PDCD11: variants seen among roughly 807,000 people sequenced by gnomAD.
PDCD11 encodes the protein programmed cell death 11.
In PDCD11, 97 loss-of-function variants were observed where a neutral mutation model predicts 198.9. The observed-to-expected ratio is 0.49, with a 90% CI of 0.41 to 0.58. PDCD11 has a LOEUF of 0.58. PDCD11 is among the 20% of genes least tolerant of loss of function. The probability of loss-of-function intolerance (pLI) is 0.00; values close to 1 mark genes in which losing one functional copy is unlikely to be tolerated. For synonymous variants in PDCD11, 893 were observed against 918.0 expected (o/e 0.97, Z 0.49); for missense variants, 2,102 against 2,312.7 (o/e 0.91, Z 1.87).
rs1417566482 is a variant in PDCD11 at position 103,425,293 on chromosome 10, G to A, written c.3073G>A (p.Val1025Ile). ...TGAAGAAGTGGATCCAGCTCTGACT[G>A]TAGGGACCATAAAGAAGCACACCCT... ...EDEEVDPALT[V>I]GTIKKHTLSI... The change falls in exon 20 of 36, where the codon GTA becomes ATA. Residue 1025 changes from valine to isoleucine, a missense_variant. Coordinates refer to ENST00000369797, the MANE Select transcript of PDCD11 (RefSeq NM_014976.2). 1.2e-6 allele frequency: 2 copies of A among 1,614,066 alleles called. No individual in the cohort carries two copies. Among genetic ancestry groups the A allele is most frequent in the Non-Finnish European group, 1.7e-6 (2 of 1,180,048 alleles).
chr10:103,406,415 A>G (rs1343219123), intron 6 of PDCD11, among the ~76,000 whole-genome samples, 194 bp from the exon 7 acceptor site: 1 of 152,172 alleles, frequency 6.6e-6, no homozygotes, highest in Non-Finnish European at 1.5e-5. Context: ...TTGTGTGGTA[A>G]TTGAATTCCA....
chr10:103,403,236 C>A lies in PDCD11; in HGVS notation c.353C>A (p.Ala118Asp). The A allele has an allele frequency of 6.2e-7, 1 of 1,614,126 alleles. No homozygotes were observed. The highest frequency in any genetic ancestry group is 8.5e-7 in the Non-Finnish European group (1 of 1,179,982). Residue 118 changes from alanine to aspartate, a missense_variant, in exon 4 of 36, where the codon GCC becomes GAC. Coordinates refer to ENST00000369797, the MANE Select transcript of PDCD11 (RefSeq NM_014976.2). Reference sequence around the variant, plus strand: ...GTGCAAGTCACTGAAATCTGTGATGCCTACACCAAAAAGCTGAATGAGCAG... The same window carrying A: ...GTGCAAGTCACTGAAATCTGTGATGACTACACCAAAAAGCTGAATGAGCAG... ...GFVQVTEICD[A>D]YTKKLNEQVT...
At chr10:103,419,015 G>T (rs73330615) in intron 15 of PDCD11, among the ~76,000 whole-genome samples, 4,433 of 151,008 alleles carry the variant, frequency 0.029, 135 homozygotes, top group African/African-American at 0.072. Context: ...CCTTCTCCCC[G>T]CGGGGCTATA....
chr10:103,408,422 C>G (rs979649771), intron 7 of PDCD11, among the ~76,000 whole-genome samples: 8 of 152,056 alleles, frequency 5.3e-5, no homozygotes, highest in African/African-American at 1.9e-4. Flanking sequence ...TTCCAATTCT[C>G]TAGGAAGTTT....
chr10:103,401,198 A>G (rs1012959927), intron 3 of PDCD11, among the ~76,000 whole-genome samples: 1 of 152,122 alleles, frequency 6.6e-6, no homozygotes, highest in Non-Finnish European at 1.5e-5. Context: ...TGTGAAACCC[A>G]TTTCCAAGAA....
chr10:103,403,250 CTGAA>C lies in PDCD11; in HGVS notation c.371_374del (p.Asn124SerfsTer3). 1 of 1,614,128 alleles carries C rather than the reference CTGAA, an allele frequency of 6.2e-7. No homozygotes were observed. Among genetic ancestry groups the C allele is most frequent in the African/African-American group, 1.3e-5 (1 of 75,038 alleles). ...AATCTGTGATGCCTACACCAAAAAGCTGAATGAGCAGGTGACACAAGAACAACCT... is the reference window on the plus strand; with the variant it reads ...AATCTGTGATGCCTACACCAAAAAGCTGAGCAGGTGACACAAGAACAACCT... On this transcript the variant is annotated frameshift_variant, in exon 4 of 36. Transcript: ENST00000369797. LOFTEE classifies it high-confidence loss of function.
chr10:103,442,807 A>G (rs554874673), intron 32 of PDCD11, among the ~76,000 whole-genome samples: 47 of 152,304 alleles, frequency 3.1e-4, no homozygotes, highest in Non-Finnish European at 5.0e-4. Flanking sequence ...GGAGTTTTTG[A>G]GGCCTAATGA....
rs748665538 is a variant in PDCD11 at position 103,427,385 on chromosome 10, G to A, written c.3362G>A (p.Arg1121Gln). The A allele has an allele frequency of 6.2e-6, 10 of 1,611,024 alleles. No homozygotes were observed. The highest frequency in any genetic ancestry group is 1.7e-5 in the Admixed American group (1 of 59,720). ...FVRTIPELSV[R>Q]PSELEDGHTA... ...CGAACCATCCCGGAGCTGAGTGTTC[G>A]GCCAAGGTGAGGGGGACATTAGCAG... is the stretch of plus-strand genomic sequence containing the variant. The change falls in exon 21 of 36, where the codon CGG (arginine) becomes CAG (glutamine). Residue 1121 changes from arginine (R) to glutamine (Q), a missense_variant. Physicochemically the swap from Arg to Gln is conservative, Grantham distance 43. Transcript: ENST00000369797.
rs1188094606 is a variant in PDCD11, at chr10:103,425,475, G to A, written c.3255G>A (p.Gly1085=). ...GTSPTTKLKV[G]KTVTARVIGG... ...CTCCTACTACCAAGCTGAAGGTTGG[G>A]AAGACGGTCACTGCCCGAGTGATTG... The change falls in exon 20 of 36, where the codon GGG becomes GGA. Residue 1085 remains glycine (G), a synonymous_variant. Transcript: ENST00000369797. 4 of 1,613,874 alleles carry A rather than the reference G, an allele frequency of 2.5e-6. No individual in the cohort carries two copies. Among genetic ancestry groups the A allele is most frequent in the Admixed American group, 1.7e-5 (1 of 60,000 alleles).
Position 103,443,195 on chromosome 10 carries a change from G to A in PDCD11, c.4986G>A (p.Val1662=). ...REEQEKLNVW[V]ALLNLENMYG... ...AGCAGGAGAAGCTGAACGTGTGGGT[G>A]GCTCTGCTGAACCTGGAGAACATGT... Residue 1662 remains valine (V), a synonymous_variant, in exon 33 of 36, where the codon GTG becomes GTA. Coordinates refer to ENST00000369797, the MANE Select transcript of PDCD11 (RefSeq NM_014976.2). 10 of 1,602,972 alleles carry A rather than the reference G, an allele frequency of 6.2e-6. No homozygotes were observed. Among genetic ancestry groups the A allele is most frequent in the Non-Finnish European group, 8.5e-6 (10 of 1,171,984 alleles).
chr10:103,415,070 G>C lies in PDCD11; in HGVS notation c.1437G>C (p.Leu479=). The part of the protein sequence containing the change: ...LVKVGEQMRG[L]VPPMHLADIL... ...AGGTGGGCGAGCAGATGAGGGGCCT[G>C]GTACCTCCCATGCACCTGGCTGACA... is the stretch of plus-strand genomic sequence containing the variant. The change falls in exon 12 of 36, where the codon CTG becomes CTC. Residue 479 remains leucine, a synonymous_variant. Coordinates refer to ENST00000369797, the MANE Select transcript of PDCD11 (RefSeq NM_014976.2). 6.2e-7 allele frequency: 1 copy of C among 1,614,090 alleles called. No individual in the cohort carries two copies. The highest frequency in any genetic ancestry group is 8.5e-7 in the Non-Finnish European group (1 of 1,180,000).
chr10:103,423,397 A>T lies in PDCD11; in HGVS notation c.2648-146A>T. On this transcript the variant is annotated intron_variant, in intron 18 of 35. Coordinates refer to ENST00000369797, the MANE Select transcript of PDCD11 (RefSeq NM_014976.2). ...TTGAACTATGGGAGGTAGACCCTTG[A>T]TTTCCCTAATTATGGCCCGTATGGA... is the stretch of plus-strand genomic sequence containing the variant. 4 of 675,974 alleles carry T rather than the reference A, an allele frequency of 5.9e-6. No individual in the cohort carries two copies. The South Asian group carries it at 7.8e-5, about 13-fold the overall frequency. 41.9% of individuals were successfully genotyped at this position (675,974 alleles called of 1,614,324 possible).
chr10:103,418,729 CA>C (rs2031259212), intron 15 of PDCD11, 95 bp downstream of exon 15: 11 of 1,033,752 alleles, frequency 1.1e-5, no homozygotes, highest in Non-Finnish European at 1.6e-5. Flanking sequence ...TATTTGACCT[CA>C]GAAATATCTC....
intron 22 of PDCD11, 124 bp from the exon 23 acceptor site, chr10:103,433,824 G>A (rs764895675): frequency 1.1e-5 from 8 of 714,108 alleles, no homozygotes; most frequent in Middle Eastern, 2.4e-4. Context: ...GGATGGAAGG[G>A]TGGATTCCTG....
chr10:103,443,232 G>A lies in PDCD11; in HGVS notation c.5023G>A (p.Glu1675Lys). The change falls in exon 33 of 36, where the codon GAG becomes AAG. Residue 1675 changes from glutamate (E) to lysine (K), a missense_variant. Transcript: ENST00000369797. ...CCTGGAGAACATGTACGGCTCTCAG[G>A]AGTCCCTGACCAAGGTCTTTGAGCG... Reference protein sequence around the residue: ...LNLENMYGSQESLTKVFERAV... With the variant: ...LNLENMYGSQKSLTKVFERAV... The A allele has an allele frequency of 6.2e-7, 1 of 1,612,704 alleles. No homozygotes were observed.
At position 103,409,725 on chromosome 10, in the gene PDCD11, C is replaced by A. The variant is rs776645642; in HGVS notation, c.897C>A (p.Asn299Lys). Residue 299 changes from asparagine to lysine, a missense_variant, in exon 8 of 36, where the codon AAC (asparagine) becomes AAA (lysine). Transcript: ENST00000369797. ...TGACTCCATTTGGCCTTACGCTAAA[C>A]TTCCTCACATTCTTCACGGGCGTGG... Reference protein sequence around the residue: ...QKVTPFGLTLNFLTFFTGVVD... With the variant: ...QKVTPFGLTLKFLTFFTGVVD... 6.2e-7 allele frequency: 1 copy of A among 1,613,996 alleles called. No homozygotes were observed. Among genetic ancestry groups the A allele is most frequent in the South Asian group, 1.1e-5 (1 of 91,086 alleles).
At chr10:103,427,219 C>A in intron 20 of PDCD11, 110 bp from the exon 21 acceptor site, 1 of 886,788 alleles carries the variant, frequency 1.1e-6, no homozygotes, top group Non-Finnish European at 1.9e-6. Flanking sequence ...GACAGTGGAA[C>A]AGGGTGCTTT....
rs1006091464 is a variant in PDCD11, at chr10:103,444,015, C to T, written c.5225C>T (p.Ala1742Val). Residue 1742 changes from alanine (A) to valine (V), a missense_variant, in exon 34 of 36, where the codon GCA becomes GTA. Ala to Val is a moderately conservative substitution (Grantham distance 64). Transcript: ENST00000369797. ...GAFLLRRSQA[A>V]ASHRVLQRAL... ...TTCCTTCTGCGGAGGAGCCAGGCTG[C>T]AGCCAGTCACCGCGTGCTGCAGCGA... is the stretch of plus-strand genomic sequence containing the variant. 1.2e-6 allele frequency: 2 copies of T among 1,613,006 alleles called. No homozygotes were observed. Among genetic ancestry groups the T allele is most frequent in the African/African-American group, 1.3e-5 (1 of 74,894 alleles).
chr10:103,406,774 A>G lies in PDCD11; in HGVS notation c.854A>G (p.Lys285Arg). 6.2e-7 allele frequency: 1 copy of G among 1,613,904 alleles called. No individual in the cohort carries two copies. The highest frequency in any genetic ancestry group is 8.5e-7 in the Non-Finnish European group (1 of 1,179,838). ...LNNLLPGLVVKAQVQKVTPFG... is the reference protein window; with the variant it reads ...LNNLLPGLVVRAQVQKVTPFG... The stretch of plus-strand genomic sequence containing the variant: ...AACTTGCTACCAGGACTGGTGGTCA[A>G]AGCTCAGGTACAGAAGGTAAGCTGT... Residue 285 changes from lysine to arginine, a missense_variant, in exon 7 of 36, where the codon AAA becomes AGA. Transcript: ENST00000369797.
Sources: allele counts gnomAD v4.1 joint callset (sites outside exome capture counted in the v4.1 genomes callset), GRCh38; gene constraint gnomAD v4.1.1; transcripts MANE v1.5; gene names NCBI Gene and HGNC (gene_info 2026-07-23, HGNC 2026-07-21).